GLOD4: variants seen among roughly 807,000 people sequenced by gnomAD.
The protein encoded by GLOD4 is glyoxalase domain-containing protein 4.
GLOD4 carries 44 observed loss-of-function variants against 39.1 expected under a neutral mutation model. The observed-to-expected ratio is 1.13, with a 90% CI of 0.88 to 1.45. The LOEUF is 1.45. GLOD4 is among the 40% of genes most tolerant of loss of function. The pLI, the probability that GLOD4 is intolerant of heterozygous loss-of-function variation, is 0.00. For missense variants in GLOD4, 405 were observed against 366.4 expected, an observed-to-expected ratio of 1.11 and a Z score of -0.86; for synonymous variants, 145 against 135.0, an observed-to-expected ratio of 1.07 and a Z score of -0.52.
intron 4 of GLOD4, among the ~76,000 whole-genome samples, chr17:773,669 C>T (rs1252444189): frequency 2.6e-5 from 4 of 152,280 alleles, no homozygotes; most frequent in Admixed American, 6.5e-5. Context: ...CATCTGACTA[C>T]GATAAATTCA....
intron 6 of GLOD4, 71 bp from the exon 7 acceptor site, chr17:770,228 G>C: frequency 1.2e-6 from 1 of 845,524 alleles, no homozygotes; most frequent in East Asian, 2.4e-5. Flanking sequence ...GTCAGTCCTA[G>C]AGGAGTATCA....
At position 760,223 on chromosome 17, in the gene GLOD4, T is replaced by A. The variant is rs957455719; in HGVS notation, c.847A>T (p.Lys283Ter). The A allele has an allele frequency of 6.3e-7, 1 of 1,588,972 alleles. No homozygotes were observed. The highest frequency in any genetic ancestry group is 8.6e-7 in the Non-Finnish European group (1 of 1,156,972). The change falls in exon 9 of 9, where the codon AAA becomes TAA. Residue 283 changes from lysine to a stop codon, truncating the protein, a stop_gained. Transcript: ENST00000301329. LOFTEE classifies it high-confidence loss of function. ...KLLDDAMAAD[K>*]SDEWFAKHNK... ...TGTTTGGCAAACCACTCGTCACTTT[T>A]ATCTGCTGCCATTGCCTGTAAAATA... is the stretch of plus-strand genomic sequence containing the variant.
chr17:770,581 A>T (rs1907781834), intron 5 of GLOD4, 74 bp from the exon 6 acceptor site: 1 of 784,628 alleles, frequency 1.3e-6, no homozygotes, highest in Non-Finnish European at 2.3e-6. Context: ...AAAAATTCAA[A>T]TATTATATAC....
chr17:769,868 C>T lies in GLOD4; in HGVS notation c.831+1G>A, dbSNP rs1907615017. On this transcript the variant is annotated splice_donor_variant, in intron 8 of 8. Coordinates refer to ENST00000301329, the MANE Select transcript of GLOD4 (RefSeq NM_016080.4). LOFTEE classifies it high-confidence loss of function. Reference sequence around the variant, plus strand: ...GACATAAATGTAGAAATGGGACTCACATCATCCAACAATTTGCTTCCCTCT... The same window carrying T: ...GACATAAATGTAGAAATGGGACTCATATCATCCAACAATTTGCTTCCCTCT... 1.9e-6 allele frequency: 3 copies of T among 1,542,174 alleles called. No homozygotes were observed. The highest frequency in any genetic ancestry group is 1.8e-6 in the Non-Finnish European group (2 of 1,114,330).
chr17:782,293 G>A (rs577770039), upstream of GLOD4: 6 of 1,611,840 alleles, frequency 3.7e-6, no homozygotes, highest in Admixed American at 1.7e-5. Flanking sequence ...GCACCGTACA[G>A]CCCAGTCCAC....
intron 8 of GLOD4, among the ~76,000 whole-genome samples, chr17:768,848 G>C (rs192360085): frequency 0.15 from 20,122 of 137,842 alleles, 17 homozygotes; most frequent in Non-Finnish European, 0.2. Flanking sequence ...GAGAGAAACA[G>C]CGCGCACTCA....
upstream of GLOD4, chr17:782,317 G>A (rs1374736336): frequency 6.8e-6 from 11 of 1,611,524 alleles, no homozygotes; most frequent in Non-Finnish European, 8.5e-6. Flanking sequence ...GGGCGCCACG[G>A]GCCGTGACGT....
upstream of GLOD4, among the ~76,000 whole-genome samples, chr17:784,113 T>C (rs1910418259): frequency 6.6e-6 from 1 of 152,232 alleles, no homozygotes; most frequent in Non-Finnish European, 1.5e-5. Context: ...CTTAACCTTA[T>C]GTAACTCCGA....
chr17:775,661 G>A, intron 4 of GLOD4, 114 bp downstream of exon 4: 1 of 811,298 alleles, frequency 1.2e-6, no homozygotes, highest in Non-Finnish European at 2.0e-6. Context: ...GCACTGGCTG[G>A]GGAAGACACG....
In GLOD4 at chr17:771,454, T is replaced by C; in HGVS notation, c.414A>G (p.Val138=). The change falls in exon 5 of 9, where the codon GTA becomes GTG. Residue 138 remains valine (V), a synonymous_variant. Coordinates refer to ENST00000301329, the MANE Select transcript of GLOD4 (RefSeq NM_016080.4). ...QNRSLPQSDP[V]LKVTLAVSDL... The stretch of plus-strand genomic sequence containing the variant: ...CAGACACTGCTAGAGTTACTTTTAA[T>C]ACAGGATCTGTTGGGTAATAAAGCA... 1.9e-6 allele frequency: 3 copies of C among 1,563,050 alleles called. No homozygotes were observed. The South Asian group carries it at 3.5e-5, about 18-fold the overall frequency.
chr17:761,171 G>C (rs114767716), intron 8 of GLOD4, among the ~76,000 whole-genome samples: 1 of 152,184 alleles, frequency 6.6e-6, no homozygotes, highest in Non-Finnish European at 1.5e-5. Flanking sequence ...GTGTGTGTAC[G>C]CATGTGTGTG....
intron 8 of GLOD4, 126 bp from the exon 9 acceptor site, chr17:760,364 C>T (rs1038059018): frequency 5.7e-5 from 35 of 611,958 alleles, no homozygotes; most frequent in Non-Finnish European, 9.0e-5. Flanking sequence ...CCCAAACCCC[C>T]GCTCCAAAAA....
chr17:776,888 T>C lies in GLOD4; in HGVS notation c.241A>G (p.Lys81Glu). 2 of 1,613,488 alleles carry C rather than the reference T, an allele frequency of 1.2e-6. No individual in the cohort carries two copies. Among genetic ancestry groups the C allele is most frequent in the African/African-American group, 1.3e-5 (1 of 75,048 alleles). ...LTYNYGVGDYKLGNDFMGITL... is the reference protein window; with the variant it reads ...LTYNYGVGDYELGNDFMGITL... ...TTTACCATAAAGTCATTGCCAAGCT[T>C]GTAGTCTCCGACGCCATAATTGTAA... The change falls in exon 3 of 9, where the codon AAG becomes GAG. Residue 81 changes from lysine (K) to glutamate (E), a missense_variant. Physicochemically the swap from Lys to Glu is moderately conservative, Grantham distance 56. Coordinates refer to ENST00000301329, the MANE Select transcript of GLOD4 (RefSeq NM_016080.4).
intron 1 of GLOD4, chr17:781,938 C>T (rs1430777572): frequency 1.9e-6 from 1 of 521,886 alleles, no homozygotes; most frequent in Admixed American, 3.4e-5. Flanking sequence ...AATGAAAGGA[C>T]GTGCGTGGGC....
chr17:783,085 G>A (rs774370748), upstream of GLOD4: 13 of 1,609,936 alleles, frequency 8.1e-6, no homozygotes, highest in Non-Finnish European at 8.5e-6. Context: ...ATCTACAGCA[G>A]TGTAATGACA....
intron 1 of GLOD4, among the ~76,000 whole-genome samples, chr17:780,007 A>G (rs1909616226): frequency 6.6e-6 from 1 of 152,094 alleles, no homozygotes; most frequent in African/African-American, 2.4e-5. Flanking sequence ...TACTAAAAAT[A>G]CAAAAAATAA....
intron 1 of GLOD4, among the ~76,000 whole-genome samples, chr17:780,036 C>T (rs1408166666): frequency 6.6e-6 from 1 of 152,042 alleles, no homozygotes; most frequent in Non-Finnish European, 1.5e-5. Context: ...TGGTGGCGGG[C>T]GCCTGTAGTA....
upstream of GLOD4, among the ~76,000 whole-genome samples, chr17:783,850 C>T (rs1910389366): frequency 6.6e-6 from 1 of 152,044 alleles, no homozygotes; most frequent in Non-Finnish European, 1.5e-5. Context: ...AACCACTATT[C>T]CTCAAACCTT....
rs777245388 is a variant in GLOD4 at position 771,353 on chromosome 17, CT to C, written c.514del (p.Arg172GlyfsTer43). Reference sequence around the variant, plus strand: ...GTTATCAGCATAGCCCAGCAAAGCCCTTTGCTTTTCTTCATCTTTTTCATAA... The same window carrying C: ...GTTATCAGCATAGCCCAGCAAAGCCCTTGCTTTTCTTCATCTTTTTCATAA... ...KIYEKDEEKQ[R>X]ALLGYADNQC... On this transcript the variant is annotated frameshift_variant, in exon 5 of 9. Coordinates refer to ENST00000301329, the MANE Select transcript of GLOD4 (RefSeq NM_016080.4). LOFTEE classifies it high-confidence loss of function. The C allele has an allele frequency of 1.3e-5, 21 of 1,603,640 alleles. No individual in the cohort carries two copies. Among genetic ancestry groups the C allele is most frequent in the Non-Finnish European group, 1.8e-5 (21 of 1,173,446 alleles).
Sources: allele counts gnomAD v4.1 joint callset (sites outside exome capture counted in the v4.1 genomes callset), GRCh38; gene constraint gnomAD v4.1.1; transcripts MANE v1.5; gene names NCBI Gene and HGNC (gene_info 2026-07-23, HGNC 2026-07-21).